Variants in PIK3R3 observed in about 807,000 individuals in gnomAD.
PIK3R3 encodes phosphoinositide-3-kinase regulatory subunit 3, also known as phosphatidylinositol 3-kinase regulatory subunit gamma.
In PIK3R3, 64 loss-of-function variants were observed where a neutral mutation model predicts 62.9. The ratio of observed to expected loss-of-function variants is 1.02; its 90% CI spans 0.83 to 1.25. The LOEUF is 1.25. PIK3R3 is among the 50% of genes most tolerant of loss of function. The pLI is 0.00. For synonymous variants in PIK3R3, 165 were observed against 189.0 expected, an observed-to-expected ratio of 0.87 and a Z score of 1.04; for missense variants, 614 against 561.6, an observed-to-expected ratio of 1.09 and a Z score of -0.94.
chr1:46,104,925 CAAAA>C (rs757829828), intron 1 of PIK3R3: 4,618 of 192,836 alleles, frequency 0.024, no homozygotes, highest in South Asian at 0.029. Context: ...AAGACTCCAT[CAAAA>C]AAAAAAAAAA....
intron 1 of PIK3R3, among the ~76,000 whole-genome samples, chr1:46,102,750 A>C (rs785518): frequency 1.4e-5 from 2 of 146,134 alleles, no homozygotes; most frequent in Non-Finnish European, 3.0e-5. Flanking sequence ...CTCAAAAAAA[A>C]TTTTTAAAAT....
chr1:46,088,632 G>T (rs1651316260), intron 1 of PIK3R3, among the ~76,000 whole-genome samples: 1 of 151,970 alleles, frequency 6.6e-6, no homozygotes, highest in Admixed American at 6.6e-5. Flanking sequence ...ATAGGAGAAA[G>T]ATAAGAGAAT....
intron 5 of PIK3R3, among the ~76,000 whole-genome samples, chr1:46,064,640 GAAAT>G (rs1296299483): frequency 6.6e-6 from 1 of 151,912 alleles, no homozygotes; most frequent in Non-Finnish European, 1.5e-5. Flanking sequence ...ATTTAAATTA[GAAAT>G]AAATATTTGA....
Position 46,066,066 on chromosome 1 carries a change from A to C in PIK3R3, c.609T>G (p.Thr203=), listed in dbSNP as rs751408361. Reference sequence around the variant, plus strand: ...ATAATATACCAACCTGGGATGTTCTAGTATATTCTTCATACAGCCTATCAT... The same window carrying C: ...ATAATATACCAACCTGGGATGTTCTCGTATATTCTTCATACAGCCTATCAT... ...KEYDRLYEEY[T]RTSQEIQMKR... Residue 203 remains threonine (T), a synonymous_variant, in exon 5 of 10, where the codon ACT becomes ACG. Coordinates refer to ENST00000262741, the MANE Select transcript of PIK3R3 (RefSeq NM_003629.4). 3.7e-6 allele frequency: 6 copies of C among 1,608,396 alleles called. No homozygotes were observed. In the South Asian group the frequency reaches 6.6e-5, roughly 18 times the overall value.
intron 1 of PIK3R3, among the ~76,000 whole-genome samples, chr1:46,110,433 G>A (rs914953180): frequency 6.6e-6 from 1 of 151,760 alleles, no homozygotes; most frequent in Non-Finnish European, 1.5e-5. Flanking sequence ...GAGCCACCAC[G>A]CCCAGCCCAG....
At position 46,055,973 on chromosome 1, in the gene PIK3R3, T is replaced by C; in HGVS notation, c.765-2A>G. ...AATTTATCATAATTCATCATAATTC[T>C]GTAAAAATATTTGACATGTTAAGGC... On this transcript the variant is annotated splice_acceptor_variant, in intron 6 of 9. Coordinates refer to ENST00000262741, the MANE Select transcript of PIK3R3 (RefSeq NM_003629.4). LOFTEE classifies it high-confidence loss of function. The C allele has an allele frequency of 6.3e-7, 1 of 1,576,912 alleles. No homozygotes were observed. Among genetic ancestry groups the C allele is most frequent in the Non-Finnish European group, 8.6e-7 (1 of 1,161,094 alleles).
At chr1:46,145,100 G>T in the PIK3R3 span, among the ~76,000 whole-genome samples, 1,374 of 148,172 alleles carry the variant, frequency 9.3e-3, 72 homozygotes, top group East Asian at 0.15. Flanking sequence ...TCCAGCCTGG[G>T]CAACAAGAAT....
intron 3 of PIK3R3, among the ~76,000 whole-genome samples, chr1:46,071,712 A>AAAATATATAT (rs1472807815): frequency 8.1e-5 from 2 of 24,654 alleles, no homozygotes; most frequent in East Asian, 7.0e-4. Context: ...AAAAAAAAAA[A>AAAATATATAT]ATATATATAT....
chr1:46,121,907 G>A (rs1023451092), intron 1 of PIK3R3, among the ~76,000 whole-genome samples: 1 of 151,860 alleles, frequency 6.6e-6, no homozygotes, highest in Non-Finnish European at 1.5e-5. Context: ...TGGCAGGCTG[G>A]ACGTAGCCTA....
At chr1:46,151,771 C>A in the PIK3R3 span, among the ~76,000 whole-genome samples, 1 of 152,144 alleles carries the variant, frequency 6.6e-6, no homozygotes, top group African/African-American at 2.4e-5. Context: ...TCCCCAAAAC[C>A]TAAAGGGCCT....
chr1:46,045,217 A>G (rs1387168564), intron 9 of PIK3R3, among the ~76,000 whole-genome samples: 3 of 152,240 alleles, frequency 2.0e-5, no homozygotes, highest in African/African-American at 7.2e-5. Flanking sequence ...TAATTTACCC[A>G]AAGTTACCCA....
intron 2 of PIK3R3, 74 bp from the exon 3 acceptor site, chr1:46,077,687 A>T: frequency 1.2e-6 from 1 of 857,534 alleles, no homozygotes; most frequent in Non-Finnish European, 2.0e-6. Context: ...TGCCTTCTTT[A>T]CATGTTACTA....
At chr1:46,049,381 G>A (rs1038883081) in intron 7 of PIK3R3, among the ~76,000 whole-genome samples, 4 of 152,246 alleles carry the variant, frequency 2.6e-5, no homozygotes, top group Non-Finnish European at 5.9e-5. Context: ...GGAAGCCCCT[G>A]AGAGAGAAGG....
At chr1:46,168,277 T>C in the PIK3R3 span, among the ~76,000 whole-genome samples, 3 of 152,228 alleles carry the variant, frequency 2.0e-5, no homozygotes, top group Non-Finnish European at 4.4e-5. Flanking sequence ...CAAGCCTCTC[T>C]TTTAGCCCTG....
chr1:46,106,381 C>T (rs904459571), intron 1 of PIK3R3, among the ~76,000 whole-genome samples: 2 of 152,168 alleles, frequency 1.3e-5, no homozygotes, highest in South Asian at 2.1e-4. Flanking sequence ...TCTGGGATTA[C>T]AGGCATAAGC....
At chr1:46,049,252 A>G (rs775570471) in intron 7 of PIK3R3, among the ~76,000 whole-genome samples, 6 of 152,084 alleles carry the variant, frequency 3.9e-5, no homozygotes, top group Non-Finnish European at 4.4e-5. Context: ...CCCAGCAAGT[A>G]AGGGAAAAAA....
intron 1 of PIK3R3, among the ~76,000 whole-genome samples, chr1:46,108,321 A>G (rs1319538668): frequency 6.6e-6 from 1 of 152,146 alleles, no homozygotes; most frequent in Non-Finnish European, 1.5e-5. Flanking sequence ...CCAGCTCCCT[A>G]TGGTTCTTTT....
the PIK3R3 span, among the ~76,000 whole-genome samples, chr1:46,148,401 T>A: frequency 6.6e-6 from 1 of 152,194 alleles, no homozygotes; most frequent in Non-Finnish European, 1.5e-5. Flanking sequence ...GTCACAAGGA[T>A]CCTGTCAGGC....
Position 46,066,085 on chromosome 1 carries a change from C to G in PIK3R3, c.590G>C (p.Arg197Thr), listed in dbSNP as rs1464323714. The G allele has an allele frequency of 6.2e-7, 1 of 1,607,996 alleles. No homozygotes were observed. The highest frequency in any genetic ancestry group is 8.5e-7 in the Non-Finnish European group (1 of 1,174,920). The stretch of plus-strand genomic sequence containing the variant: ...TGTTCTAGTATATTCTTCATACAGC[C>G]TATCATACTCTTTACTCTTCTCCTG... Reference protein sequence around the residue: ...QYQEKSKEYDRLYEEYTRTSQ... With the variant: ...QYQEKSKEYDTLYEEYTRTSQ... Residue 197 changes from arginine to threonine, a missense_variant, in exon 5 of 10, where the codon AGG (arginine) becomes ACG (threonine). Coordinates refer to ENST00000262741, the MANE Select transcript of PIK3R3 (RefSeq NM_003629.4).
Sources: allele counts gnomAD v4.1 joint callset (sites outside exome capture counted in the v4.1 genomes callset), GRCh38; gene constraint gnomAD v4.1.1; transcripts MANE v1.5; gene names NCBI Gene and HGNC (gene_info 2026-07-23, HGNC 2026-07-21).